TRIB2: variants seen among roughly 807,000 people sequenced by gnomAD.
TRIB2 encodes the protein tribbles homolog 2.
TRIB2 carries 2 observed loss-of-function variants against 26.8 expected under a neutral mutation model. The ratio of observed to expected loss-of-function variants is 0.07; its 90% CI spans 0.03 to 0.24. TRIB2 has a LOEUF of 0.24. Ranked by LOEUF, TRIB2 falls within the 10% of genes least tolerant of loss-of-function variation. The probability of loss-of-function intolerance (pLI) is 1.00; values close to 1 mark genes in which losing one functional copy is unlikely to be tolerated. For synonymous variants in TRIB2, 189 were observed against 187.3 expected (o/e 1.01, Z -0.08); for missense variants, 306 against 449.0 (o/e 0.68, Z 2.88).
rs916563545 is a variant in TRIB2, at chr2:12,732,652, G to A, written c.564-7674G>A. ...ATACATGAACCAGAATTAAGTGAAC[G>A]ACAATTTATTTGGCATCGTTTAGTG... is the stretch of plus-strand genomic sequence containing the variant. On this transcript the variant is annotated intron_variant, in intron 2 of 2. Coordinates refer to ENST00000155926, the MANE Select transcript of TRIB2 (RefSeq NM_021643.4). The surrounding 1 kb of genome is among the most constrained non-coding windows in gnomAD (Gnocchi z 4.2). Among the ~76,000 whole-genome samples the A allele has an allele frequency of 6.6e-6, 1 of 152,214 alleles. No homozygotes were observed. Among genetic ancestry groups the A allele is most frequent in the Non-Finnish European group, 1.5e-5 (1 of 68,040 alleles).
At chr2:12,719,145 G>C (rs1275664079) in intron 1 of TRIB2, among the ~76,000 whole-genome samples, 1 of 152,138 alleles carries the variant, frequency 6.6e-6, no homozygotes, top group African/African-American at 2.4e-5. Flanking sequence ...CTTGAAAGGA[G>C]GGTTGGGGTG....
At chr2:12,721,045 G>C (rs1661206852) in intron 1 of TRIB2, among the ~76,000 whole-genome samples, 1 of 152,140 alleles carries the variant, frequency 6.6e-6, no homozygotes, top group Non-Finnish European at 1.5e-5. Flanking sequence ...CAGGCTTGTG[G>C]CTTGATTTTG....
At chr2:12,723,235 G>A in intron 1 of TRIB2, 25 bp from the exon 2 acceptor site, 2 of 1,598,632 alleles carry the variant, frequency 1.3e-6, no homozygotes, top group Non-Finnish European at 1.7e-6. Context: ...CTCTGACTTT[G>A]GTCTTACTGT....
At chr2:12,737,768 C>G (rs1286679969) in intron 2 of TRIB2, among the ~76,000 whole-genome samples, 1 of 152,190 alleles carries the variant, frequency 6.6e-6, no homozygotes, top group Non-Finnish European at 1.5e-5. Context: ...GTTTGCATGA[C>G]AGTGTAAATG....
rs754995271 is a variant in TRIB2 at position 12,718,563 on chromosome 2, G to A, written c.256G>A (p.Glu86Lys). ...TGCCGTGCATCTGCACAGCGGAGAGGAGCTGGTGTGCAAGGTAAAGGGCCA... is the reference window on the plus strand; with the variant it reads ...TGCCGTGCATCTGCACAGCGGAGAGAAGCTGGTGTGCAAGGTAAAGGGCCA... ...FRAVHLHSGE[E>K]LVCKVFDISC... Residue 86 changes from glutamate to lysine, a missense_variant, in exon 1 of 3, where the codon GAG (glutamate) becomes AAG (lysine). Transcript: ENST00000155926. This position sits in a 1 kb window ranked among gnomAD's most constrained non-coding sequence, Gnocchi z 4.0. 24 of 1,613,592 alleles carry A rather than the reference G, an allele frequency of 1.5e-5. No individual in the cohort carries two copies. The highest frequency in any genetic ancestry group is 2.0e-5 in the Non-Finnish European group (24 of 1,179,458).
chr2:12,723,714 T>C (rs1228697927), intron 2 of TRIB2, among the ~76,000 whole-genome samples, 162 bp downstream of exon 2: 1 of 152,162 alleles, frequency 6.6e-6, no homozygotes, highest in Admixed American at 6.5e-5. Context: ...TTTTCAAGTG[T>C]TTGGGAAAAC....
At position 12,740,307 on chromosome 2, in the gene TRIB2, T is replaced by C. The variant is rs776974281; in HGVS notation, c.564-19T>C. On this transcript the variant is annotated intron_variant, in intron 2 of 2. Coordinates refer to ENST00000155926, the MANE Select transcript of TRIB2 (RefSeq NM_021643.4). This position sits in a 1 kb window ranked among gnomAD's most constrained non-coding sequence, Gnocchi z 5.8. ...CTCTGAGCACCCTCAGGAGCTTATG[T>C]TTTCCTCCTTTCTTGCAGGACTCGG... 1 of 1,609,142 alleles carries C rather than the reference T, an allele frequency of 6.2e-7. No homozygotes were observed. The highest frequency in any genetic ancestry group is 8.5e-7 in the Non-Finnish European group (1 of 1,176,464).
chr2:12,739,640 T>C (rs1661666605), intron 2 of TRIB2, among the ~76,000 whole-genome samples: 1 of 152,164 alleles, frequency 6.6e-6, no homozygotes, highest in South Asian at 2.1e-4. Context: ...TCCTGCCTGG[T>C]CCTAAAGAGA....
In TRIB2 at chr2:12,718,028, G is replaced by T. The variant is rs1666636843; in HGVS notation, c.-280G>T. On this transcript the variant is annotated 5_prime_UTR_variant, in exon 1 of 3. Transcript: ENST00000155926. This position sits in a 1 kb window ranked among gnomAD's most constrained non-coding sequence, Gnocchi z 4.0. ...GGACACACACACAGAGTAACTAAAA[G>T]TGCGGCGATTCTGCACATCGCCGAC... 2.1e-6 allele frequency: 1 copy of T among 474,778 alleles called. No homozygotes were observed. Among genetic ancestry groups the T allele is most frequent in the Non-Finnish European group, 3.7e-6 (1 of 266,812 alleles). 29.4% of individuals were successfully genotyped at this position (474,778 alleles called of 1,614,324 possible).
At chr2:12,725,244 C>T (rs1451538940) in intron 2 of TRIB2, among the ~76,000 whole-genome samples, 4 of 152,186 alleles carry the variant, frequency 2.6e-5, no homozygotes, top group East Asian at 3.9e-4. Flanking sequence ...CGGGCACCAA[C>T]GAGTAGAAGG....
intron 2 of TRIB2, among the ~76,000 whole-genome samples, chr2:12,733,418 G>A (rs559022030): frequency 6.6e-6 from 1 of 152,274 alleles, no homozygotes; most frequent in Non-Finnish European, 1.5e-5. Flanking sequence ...GTACCAGAAT[G>A]TATTTTGGAA....
In TRIB2 at chr2:12,718,152, G is replaced by T; in HGVS notation, c.-156G>T. ...AGGTATCCGGCGGCGCCCATTTGGG[G>T]GCTTCTAACTCTTTCTCCACGCAGC... On this transcript the variant is annotated 5_prime_UTR_variant, in exon 1 of 3. Transcript: ENST00000155926. The surrounding 1 kb of genome is among the most constrained non-coding windows in gnomAD (Gnocchi z 4.0). 9.3e-7 allele frequency: 1 copy of T among 1,080,726 alleles called. No individual in the cohort carries two copies. The allele number at this position is 1,080,726 out of a possible 1,614,324, so 66.9% of individuals were successfully genotyped here.
rs951681880 is a variant in TRIB2 at position 12,717,132 on chromosome 2, G to T, written c.-1176G>T. On this transcript the variant is annotated 5_prime_UTR_variant, in exon 1 of 3. Transcript: ENST00000155926. The surrounding 1 kb of genome is among the most constrained non-coding windows in gnomAD (Gnocchi z 4.8). ...ATACACGGTCCCCTCTTTTCTCTGG[G>T]GGGGGCAAGCAAGAAATCAAAGAAG... 5.4e-6 allele frequency: 2 copies of T among 373,444 alleles called. No individual in the cohort carries two copies. Among genetic ancestry groups the T allele is most frequent in the South Asian group, 1.5e-4 (1 of 6,812 alleles). The allele number at this position is 373,444 out of a possible 1,614,324, so 23.1% of individuals were successfully genotyped here. A position where few individuals can be genotyped will look rare whatever the true frequency, so the allele number is the denominator to read the frequency against.
rs1044329884 is a variant in TRIB2, at chr2:12,740,233, C to G, written c.564-93C>G. ...GAATGAATGAATGTGAATGAGGAGT[C>G]TTCAGAAACACTATAGTCGGTTATG... On this transcript the variant is annotated intron_variant, in intron 2 of 2. Transcript: ENST00000155926. The surrounding 1 kb of genome is among the most constrained non-coding windows in gnomAD (Gnocchi z 5.8). 3.2e-6 allele frequency: 4 copies of G among 1,241,538 alleles called. No homozygotes were observed. The highest frequency in any genetic ancestry group is 3.4e-6 in the Non-Finnish European group (3 of 877,690). The allele number at this position is 1,241,538 out of a possible 1,614,324, so 76.9% of individuals were successfully genotyped here.
chr2:12,740,900 C>T lies in TRIB2; in HGVS notation c.*106C>T. The T allele has an allele frequency of 1.3e-5, 14 of 1,078,974 alleles. No homozygotes were observed. In the South Asian group the frequency reaches 2.2e-4, roughly 17 times the overall value. The allele number at this position is 1,078,974 out of a possible 1,614,324, so 66.8% of individuals were successfully genotyped here. On this transcript the variant is annotated 3_prime_UTR_variant, in exon 3 of 3. Transcript: ENST00000155926. This position sits in a 1 kb window ranked among gnomAD's most constrained non-coding sequence, Gnocchi z 5.8. The stretch of plus-strand genomic sequence containing the variant: ...GCCTGGCTGAGTAGCAAGAAAGACA[C>T]ACTCTTAAGTTTCTTGGTTCAGAGC...
chr2:12,722,433 C>T (rs891385623), intron 1 of TRIB2, among the ~76,000 whole-genome samples: 2 of 152,230 alleles, frequency 1.3e-5, no homozygotes, highest in Non-Finnish European at 2.9e-5. Context: ...TGAATGAAAG[C>T]GCCTTTTATA....
At position 12,728,640 on chromosome 2, in the gene TRIB2, G is replaced by A. The variant is rs530635629; in HGVS notation, c.563+5088G>A. Reference sequence around the variant, plus strand: ...GGGTAGAAGATCTTTATCTCTTGACGTGACAGGTTTCATTTCCTCCGCTTT... The same window carrying A: ...GGGTAGAAGATCTTTATCTCTTGACATGACAGGTTTCATTTCCTCCGCTTT... On this transcript the variant is annotated intron_variant, in intron 2 of 2. Coordinates refer to ENST00000155926, the MANE Select transcript of TRIB2 (RefSeq NM_021643.4). Among the ~76,000 whole-genome samples, 7 of 152,230 alleles carry A rather than the reference G, an allele frequency of 4.6e-5. No homozygotes were observed. In the South Asian group the frequency reaches 1.0e-3, roughly 23 times the overall value.
At chr2:12,719,416 G>T (rs149668038) in intron 1 of TRIB2, among the ~76,000 whole-genome samples, 2 of 152,194 alleles carry the variant, frequency 1.3e-5, no homozygotes, top group East Asian at 3.9e-4. Context: ...TTATGTATAT[G>T]TGTGTCTGTG....
chr2:12,727,469 T>C (rs536632979), intron 2 of TRIB2, among the ~76,000 whole-genome samples: 1 of 152,294 alleles, frequency 6.6e-6, no homozygotes, highest in South Asian at 2.1e-4. Flanking sequence ...GGTTTAATTA[T>C]AATCATTAAG....
Sources: allele counts gnomAD v4.1 joint callset (sites outside exome capture counted in the v4.1 genomes callset), GRCh38; gene constraint gnomAD v4.1.1; non-coding constraint Gnocchi (gnomAD v3.1); transcripts MANE v1.5; gene names NCBI Gene and HGNC (gene_info 2026-07-23, HGNC 2026-07-21).